NFAM1: variants seen among roughly 807,000 people sequenced by gnomAD.
The protein encoded by NFAM1 is NFAT activation molecule 1.
Under a neutral mutation model 29.0 loss-of-function variants are expected in NFAM1, and 17 were observed. The observed-to-expected ratio is 0.59, with a 90% CI of 0.40 to 0.88. The LOEUF is 0.88. Among genes scored for constraint, NFAM1 ranks in the 40% least tolerant of loss-of-function variants. The probability of loss-of-function intolerance (pLI) is 0.00; values close to 1 mark genes in which losing one functional copy is unlikely to be tolerated. For synonymous variants in NFAM1, 175 were observed against 147.2 expected, an observed-to-expected ratio of 1.19 and a Z score of -1.36; for missense variants, 324 against 344.6, an observed-to-expected ratio of 0.94 and a Z score of 0.47.
At chr22:42,428,343 T>C (rs914560680) in intron 1 of NFAM1, among the ~76,000 whole-genome samples, 2 of 152,086 alleles carry the variant, frequency 1.3e-5, no homozygotes, top group Non-Finnish European at 2.9e-5. Context: ...TAGACAAAGA[T>C]GAAAAACAGA....
rs1491236869 is a variant in NFAM1, at chr22:42,419,989, G to GTTTTTTTTTTTTTTTTTTTTTTTTTT, written c.122-8254_122-8253insAAAAAAAAAAAAAAAAAAAAAAAAAA. ...CCTTTGAGTCTGTAATCCCACTCTTGGTTTTTTTTTTTTTTTTTTTTTTTT... is the reference window on the plus strand; with the variant it reads ...CCTTTGAGTCTGTAATCCCACTCTTGTTTTTTTTTTTTTTTTTTTTTTTTTTGTTTTTTTTTTTTTTTTTTTTTTTT... On this transcript the variant is annotated intron_variant, in intron 1 of 5. Transcript: ENST00000329021. This position sits in a 1 kb window ranked among gnomAD's most constrained non-coding sequence, Gnocchi z 4.5. Among the ~76,000 whole-genome samples, 4 of 56,548 alleles carry GTTTTTTTTTTTTTTTTTTTTTTTTTT rather than the reference G, an allele frequency of 7.1e-5. 2 individuals carry two copies. The highest frequency in any genetic ancestry group is 6.7e-5 in the Non-Finnish European group (2 of 29,698). The allele number at this position is 56,548 out of a possible 152,430, so 37.1% of individuals were successfully genotyped here. A position where few individuals can be genotyped will look rare whatever the true frequency, so the allele number is the denominator to read the frequency against.
upstream of NFAM1, among the ~76,000 whole-genome samples, chr22:42,435,599 A>G (rs1175476741): frequency 6.6e-6 from 1 of 151,766 alleles, no homozygotes; most frequent in Non-Finnish European, 1.5e-5. Context: ...CGCCCACCTC[A>G]GCCTCCCAAA....
rs770722784 is a variant in NFAM1 at position 42,397,932 on chromosome 22, C to T, written c.589G>A (p.Asp197Asn). 10 of 1,608,684 alleles carry T rather than the reference C, an allele frequency of 6.2e-6. No individual in the cohort carries two copies. The Admixed American group carries it at 1.7e-4, about 27-fold the overall frequency. The change falls in exon 4 of 6, where the codon GAC (aspartate) becomes AAC (asparagine). Residue 197 changes from aspartate to asparagine, a missense_variant. By Grantham distance (23) the Asp-to-Asn change is conservative. Coordinates refer to ENST00000329021, the MANE Select transcript of NFAM1 (RefSeq NM_145912.8). ...GGATCTGGGCACTTCCTGGTGGGGTCCTTCCCTGGACCCCGCATCCGCTTC... is the reference window on the plus strand; with the variant it reads ...GGATCTGGGCACTTCCTGGTGGGGTTCTTCCCTGGACCCCGCATCCGCTTC... Reference protein sequence around the residue: ...NKKRMRGPGKDPTRKCPDPRS... With the variant: ...NKKRMRGPGKNPTRKCPDPRS...
chr22:42,406,271 G>A lies in NFAM1; in HGVS notation c.564+3164C>T, dbSNP rs529317985. Among the ~76,000 whole-genome samples, 7 of 152,260 alleles carry A rather than the reference G, an allele frequency of 4.6e-5. No homozygotes were observed. The South Asian group carries it at 1.5e-3, about 32-fold the overall frequency. ...CATCTGCTTTGCTCACCACTTCCCT[G>A]AGGCCACCCTGATCCCGGCTCCTGT... On this transcript the variant is annotated intron_variant, in intron 3 of 5. Coordinates refer to ENST00000329021, the MANE Select transcript of NFAM1 (RefSeq NM_145912.8).
In NFAM1 at chr22:42,383,218, G is replaced by A; in HGVS notation, c.*1943C>T. 1 of 153,064 alleles carries A rather than the reference G, an allele frequency of 6.5e-6. No individual in the cohort carries two copies. The highest frequency in any genetic ancestry group is 1.5e-5 in the Non-Finnish European group (1 of 68,608). The allele number at this position is 153,064 out of a possible 1,614,324, so 9.5% of individuals were successfully genotyped here. A position where few individuals can be genotyped will look rare whatever the true frequency, so the allele number is the denominator to read the frequency against. On this transcript the variant is annotated 3_prime_UTR_variant, in exon 6 of 6. Coordinates refer to ENST00000329021, the MANE Select transcript of NFAM1 (RefSeq NM_145912.8). ...GGGTCTAGGAGCTGAGGTCAGAGAG[G>A]CCCAGGAGGTGGGGGAGGCAGGCCC... is the stretch of plus-strand genomic sequence containing the variant.
intron 1 of NFAM1, among the ~76,000 whole-genome samples, chr22:42,417,060 C>G (rs539858632): frequency 2.7e-4 from 41 of 152,286 alleles, no homozygotes; most frequent in Admixed American, 1.8e-3. Flanking sequence ...CAGCCTCCCC[C>G]GCACCTGACA....
chr22:42,421,218 A>C (rs1930433160), intron 1 of NFAM1, among the ~76,000 whole-genome samples: 1 of 152,156 alleles, frequency 6.6e-6, no homozygotes. Context: ...TGGGAGCGTG[A>C]GGTGGGTGGA....
chr22:42,422,160 G>T (rs1257299491), intron 1 of NFAM1, among the ~76,000 whole-genome samples: 2 of 152,152 alleles, frequency 1.3e-5, no homozygotes, highest in African/African-American at 4.8e-5. Flanking sequence ...CCCATCCATG[G>T]CTCATTTTCA....
intron 4 of NFAM1, among the ~76,000 whole-genome samples, chr22:42,395,018 T>C (rs945389394): frequency 6.6e-6 from 1 of 151,564 alleles, no homozygotes; most frequent in Non-Finnish European, 1.5e-5. Flanking sequence ...TACAAAAAAT[T>C]AAAAAATTAG....
At chr22:42,413,566 T>C (rs1381069106) in intron 1 of NFAM1, among the ~76,000 whole-genome samples, 1 of 151,126 alleles carries the variant, frequency 6.6e-6, no homozygotes, top group Non-Finnish European at 1.5e-5. Flanking sequence ...GCTTGAGGCC[T>C]GGAGTTCGAG....
intron 1 of NFAM1, among the ~76,000 whole-genome samples, chr22:42,428,082 G>A (rs1930680352): frequency 6.6e-6 from 1 of 152,244 alleles, no homozygotes; most frequent in African/African-American, 2.4e-5. Context: ...CGCTGGGAGT[G>A]TGCCCGGACC....
chr22:42,399,040 G>C (rs1397784914), intron 3 of NFAM1, among the ~76,000 whole-genome samples: 3 of 152,166 alleles, frequency 2.0e-5, no homozygotes, highest in Non-Finnish European at 4.4e-5. Flanking sequence ...CGATATTGAA[G>C]GTGAAATCCT....
intron 1 of NFAM1, 83 bp from the exon 2 acceptor site, chr22:42,411,819 C>A: frequency 2.1e-6 from 2 of 932,108 alleles, no homozygotes; most frequent in South Asian, 1.5e-5. Flanking sequence ...GGCTCACGAC[C>A]GGGTGCGGTG....
intron 3 of NFAM1, among the ~76,000 whole-genome samples, chr22:42,401,654 G>T (rs898936813): frequency 6.6e-6 from 1 of 152,136 alleles, no homozygotes; most frequent in Non-Finnish European, 1.5e-5. Flanking sequence ...TGTCCTCGGG[G>T]CCAACATTTG....
At chr22:42,437,297 C>T (rs1174138820), upstream of NFAM1, among the ~76,000 whole-genome samples, 1 of 152,000 alleles carries the variant, frequency 6.6e-6, no homozygotes, top group Non-Finnish European at 1.5e-5. Flanking sequence ...CACCCACCAC[C>T]ACACCCGGCT....
chr22:42,417,035 C>T (rs745671019), intron 1 of NFAM1, among the ~76,000 whole-genome samples: 11 of 152,136 alleles, frequency 7.2e-5, no homozygotes, highest in Non-Finnish European at 1.0e-4. Flanking sequence ...ACCGCAAGCA[C>T]GCAGAGCCCA....
intron 2 of NFAM1, among the ~76,000 whole-genome samples, chr22:42,411,019 CTTTTTTTTTTTT>C (rs138369373): frequency 1.6e-5 from 2 of 121,776 alleles, no homozygotes; most frequent in African/African-American, 6.7e-5. Flanking sequence ...CTTTTCTTTT[CTTTTTTTTTTTT>C]TTTTTTTTTT....
Position 42,383,719 on chromosome 22 carries a change from G to A in NFAM1, c.*1442C>T, listed in dbSNP as rs367959590. The A allele has an allele frequency of 1.4e-4, 22 of 152,842 alleles. No individual in the cohort carries two copies. The highest frequency in any genetic ancestry group is 5.3e-4 in the African/African-American group (22 of 41,566). 9.5% of individuals were successfully genotyped at this position (152,842 alleles called of 1,614,324 possible). A position where few individuals can be genotyped will look rare whatever the true frequency, so the allele number is the denominator to read the frequency against. ...GAGCCAGTAGCCCAGTGCTGCTTGGGGGCAGGGGCGGGGCCTGTGCCTTGG... is the reference window on the plus strand; with the variant it reads ...GAGCCAGTAGCCCAGTGCTGCTTGGAGGCAGGGGCGGGGCCTGTGCCTTGG... On this transcript the variant is annotated 3_prime_UTR_variant, in exon 6 of 6. Transcript: ENST00000329021.
At chr22:42,403,568 T>G (rs1276916780) in intron 3 of NFAM1, among the ~76,000 whole-genome samples, 1 of 152,250 alleles carries the variant, frequency 6.6e-6, no homozygotes, top group Non-Finnish European at 1.5e-5. Context: ...TCAGCCAACC[T>G]GAGCCTCCCA....
Sources: allele counts gnomAD v4.1 joint callset (sites outside exome capture counted in the v4.1 genomes callset), GRCh38; gene constraint gnomAD v4.1.1; non-coding constraint Gnocchi (gnomAD v3.1); transcripts MANE v1.5; gene names NCBI Gene and HGNC (gene_info 2026-07-23, HGNC 2026-07-21).